Variants in COL4A4 observed in about 807,000 individuals in gnomAD.
COL4A4 encodes collagen type IV alpha 4 chain.
In COL4A4, 105 loss-of-function variants were observed where a neutral mutation model predicts 192.9. That is an observed-to-expected ratio of 0.54 (90% CI 0.46 to 0.64). COL4A4 has a LOEUF of 0.64. Ranked by LOEUF, COL4A4 falls within the 30% of genes least tolerant of loss-of-function variation. The pLI is 0.00. For synonymous variants in COL4A4, 762 were observed against 769.9 expected (o/e 0.99, Z 0.17); for missense variants, 1,967 against 2,169.3 (o/e 0.91, Z 1.85).
In COL4A4 at chr2:227,123,926, T is replaced by C. The variant is rs558930964; in HGVS notation, c.193-2778A>G. Among the ~76,000 whole-genome samples the C allele has an allele frequency of 2.0e-5, 3 of 152,322 alleles. No individual in the cohort carries two copies. The South Asian group carries it at 6.2e-4, about 32-fold the overall frequency. Reference sequence around the variant, plus strand: ...GACCACACTGACTTGCTGTGTGACCTTGGGTATGTTTCTTAACCTCTCTGT... The same window carrying C: ...GACCACACTGACTTGCTGTGTGACCCTGGGTATGTTTCTTAACCTCTCTGT... On this transcript the variant is annotated intron_variant, in intron 4 of 47. Coordinates refer to ENST00000396625, the MANE Select transcript of COL4A4 (RefSeq NM_000092.5). This position sits in a 1 kb window ranked among gnomAD's most constrained non-coding sequence, Gnocchi z 4.6.
intron 3 of COL4A4, among the ~76,000 whole-genome samples, chr2:227,141,181 G>A (rs1011486924): frequency 1.3e-5 from 2 of 152,170 alleles, no homozygotes; most frequent in African/African-American, 2.4e-5. Context: ...GGACCCAAGG[G>A]CATGGATAAG....
At chr2:227,095,064 G>T (rs1263727113) in intron 19 of COL4A4, among the ~76,000 whole-genome samples, 3 of 152,156 alleles carry the variant, frequency 2.0e-5, no homozygotes, top group Admixed American at 6.5e-5. Flanking sequence ...TTTGAAATAA[G>T]CACACAGTGG....
At chr2:227,042,975 A>C in intron 36 of COL4A4, 102 bp downstream of exon 36, 1 of 856,434 alleles carries the variant, frequency 1.2e-6, no homozygotes, top group Non-Finnish European at 1.9e-6. Context: ...GGGAAATGGC[A>C]GAGCCATATC....
At chr2:227,032,358 A>C in intron 38 of COL4A4, 82 bp from the exon 39 acceptor site, 1 of 1,510,456 alleles carries the variant, frequency 6.6e-7, no homozygotes, top group Non-Finnish European at 9.0e-7. Flanking sequence ...CCACTTCCCA[A>C]TAGCGGCAGA....
chr2:227,145,658 G>A (rs866871609), intron 2 of COL4A4, among the ~76,000 whole-genome samples: 2 of 152,114 alleles, frequency 1.3e-5, no homozygotes, highest in Middle Eastern at 3.2e-3. Flanking sequence ...GTTCTCTGTA[G>A]AGCCTTCTCC....
rs780438361 is a variant in COL4A4, at chr2:227,062,620, G to A, written c.1988-22C>T. ...TCACCTGCAATGAGAAAAGAAAAGC[G>A]GCATTCACATAACTGATAGCCCAGT... On this transcript the variant is annotated intron_variant, in intron 25 of 47. Coordinates refer to ENST00000396625, the MANE Select transcript of COL4A4 (RefSeq NM_000092.5). 67 of 1,583,592 alleles carry A rather than the reference G, an allele frequency of 4.2e-5. No individual in the cohort carries two copies. The East Asian group carries it at 7.4e-4, about 17-fold the overall frequency.
chr2:227,053,580 C>T (rs1974640816), intron 31 of COL4A4, among the ~76,000 whole-genome samples: 1 of 126,750 alleles, frequency 7.9e-6, no homozygotes, highest in Non-Finnish European at 1.6e-5. Flanking sequence ...CAGAATCTCA[C>T]TCTGTCACCC....
At chr2:227,010,212 C>A in intron 46 of COL4A4, 101 bp downstream of exon 46, 2 of 1,189,120 alleles carry the variant, frequency 1.7e-6, no homozygotes. Flanking sequence ...AAGAATAATC[C>A]CATATAAGGT....
At chr2:226,972,593 G>A in the COL4A4 span, among the ~76,000 whole-genome samples, 1 of 152,208 alleles carries the variant, frequency 6.6e-6, no homozygotes, top group Non-Finnish European at 1.5e-5. Flanking sequence ...CATGGACGGA[G>A]CTTCTGGGTC....
chr2:227,145,345 G>T (rs1462949973), intron 2 of COL4A4, among the ~76,000 whole-genome samples: 1 of 152,106 alleles, frequency 6.6e-6, no homozygotes, highest in East Asian at 1.9e-4. Context: ...TACTCCGGAG[G>T]CTGAGATAAG....
chr2:226,994,176 T>C, the COL4A4 span, among the ~76,000 whole-genome samples: 86 of 152,314 alleles, frequency 5.6e-4, 1 homozygote, highest in African/African-American at 2.0e-3. Flanking sequence ...CTGGGCAGCA[T>C]TGGAAGTCAT....
intron 24 of COL4A4, among the ~76,000 whole-genome samples, chr2:227,078,648 T>C (rs1336582513): frequency 6.6e-6 from 1 of 152,238 alleles, no homozygotes; most frequent in Admixed American, 6.5e-5. Flanking sequence ...AAGAGATTTA[T>C]GTCAAACCAT....
intron 36 of COL4A4, 35 bp from the exon 37 acceptor site, chr2:227,042,290 ATAATAAATGAAT>A (rs756013263): frequency 1.1e-5 from 13 of 1,198,710 alleles, no homozygotes; most frequent in Non-Finnish European, 1.6e-5. Flanking sequence ...AGATGGCCAG[ATAATAAATGAAT>A]TACATTCACT....
intron 4 of COL4A4, among the ~76,000 whole-genome samples, chr2:227,136,228 A>T (rs1221828299): frequency 1.3e-5 from 2 of 152,166 alleles, no homozygotes; most frequent in Non-Finnish European, 2.9e-5. Flanking sequence ...CAGGACAAGT[A>T]CAGCAAAAGA....
chr2:226,993,435 T>C, the COL4A4 span, among the ~76,000 whole-genome samples: 1 of 152,214 alleles, frequency 6.6e-6, no homozygotes, highest in Non-Finnish European at 1.5e-5. Context: ...CCAGTCTTTT[T>C]AAAAACAACT....
At chr2:226,992,992 ATTC>A in the COL4A4 span, among the ~76,000 whole-genome samples, 2 of 152,122 alleles carry the variant, frequency 1.3e-5, no homozygotes, top group Non-Finnish European at 2.9e-5. Flanking sequence ...TGTGATGATT[ATTC>A]TTCTCATGAC....
chr2:227,023,489 AT>A (rs1559433646), intron 43 of COL4A4, among the ~76,000 whole-genome samples: 1 of 152,016 alleles, frequency 6.6e-6, no homozygotes, highest in Non-Finnish European at 1.5e-5. Context: ...AAGATGTGAG[AT>A]TTTTTTCTTT....
chr2:227,001,126 G>A (rs975163075), downstream of COL4A4, among the ~76,000 whole-genome samples: 5 of 149,392 alleles, frequency 3.3e-5, no homozygotes, highest in Non-Finnish European at 4.4e-5. Flanking sequence ...ACAGAGTCTC[G>A]CTCTGTTGCC....
Position 227,042,045 on chromosome 2 carries a change from A to G in COL4A4, c.3505+103T>C, listed in dbSNP as rs1971581848. The G allele has an allele frequency of 7.5e-6, 6 of 798,740 alleles. No homozygotes were observed. In the Admixed American group the frequency reaches 1.0e-4, roughly 14 times the overall value. The allele number at this position is 798,740 out of a possible 1,614,324, so 49.5% of individuals were successfully genotyped here. ...AATGGCACCTACGGAAAAGAGTGGT[A>G]TAACCAAGAGCAGGGTCACTCACTG... is the stretch of plus-strand genomic sequence containing the variant. On this transcript the variant is annotated intron_variant, in intron 37 of 47. Coordinates refer to ENST00000396625, the MANE Select transcript of COL4A4 (RefSeq NM_000092.5).
Sources: gnomAD v4.1 joint callset for allele counts (sites outside exome capture counted in the v4.1 genomes callset) on GRCh38, gnomAD v4.1.1 for gene constraint, Gnocchi (gnomAD v3.1) non-coding constraint, MANE v1.5 for transcripts, NCBI Gene and HGNC (gene_info 2026-07-23, HGNC 2026-07-21) for gene names.